FRYL: variants seen among roughly 807,000 people sequenced by gnomAD.
The protein encoded by FRYL is protein furry homolog-like.
Under a neutral mutation model 351.2 loss-of-function variants are expected in FRYL, and 150 were observed. The ratio of observed to expected loss-of-function variants is 0.43; its 90% CI spans 0.37 to 0.49. The LOEUF (loss-of-function observed/expected upper bound fraction) is 0.49. Among genes scored for constraint, FRYL ranks in the 20% least tolerant of loss-of-function variants. The pLI, the probability that FRYL is intolerant of heterozygous loss-of-function variation, is 0.00. For synonymous variants in FRYL, 1,153 were observed against 1,257.1 expected (o/e 0.92, Z 1.75); for missense variants, 3,036 against 3,619.3 (o/e 0.84, Z 4.13).
chr4:48,662,664 G>A (rs1294111676), intron 3 of FRYL, among the ~76,000 whole-genome samples: 1 of 150,762 alleles, frequency 6.6e-6, no homozygotes, highest in Non-Finnish European at 1.5e-5. Flanking sequence ...AGTGGCGCGT[G>A]CATGTAATCC....
chr4:48,536,367 T>A (rs1392797445), intron 47 of FRYL, among the ~76,000 whole-genome samples: 1 of 152,144 alleles, frequency 6.6e-6, no homozygotes, highest in Admixed American at 6.6e-5. Flanking sequence ...GTCCAGAATC[T>A]CCAATGGATG....
intron 2 of FRYL, among the ~76,000 whole-genome samples, chr4:48,704,662 A>G (rs1767117416): frequency 6.6e-6 from 1 of 152,062 alleles, no homozygotes; most frequent in South Asian, 2.1e-4. Flanking sequence ...AAAATACAAA[A>G]AACAGGCTGG....
intron 1 of FRYL, among the ~76,000 whole-genome samples, chr4:48,749,038 G>A (rs1772974291): frequency 1.3e-5 from 2 of 152,260 alleles, no homozygotes; most frequent in African/African-American, 4.8e-5. Context: ...ACAGCAAGGC[G>A]ATAAGCAACA....
chr4:48,510,058 C>G lies in FRYL; in HGVS notation c.8394+1G>C. 6.2e-7 allele frequency: 1 copy of G among 1,605,666 alleles called. No individual in the cohort carries two copies. The highest frequency in any genetic ancestry group is 8.5e-7 in the Non-Finnish European group (1 of 1,172,460). Reference sequence around the variant, plus strand: ...TTCGCACATGGTAAAAAGAGACTGACCTGCTCAGCGGCTTCTCTTTTCACA... The same window carrying G: ...TTCGCACATGGTAAAAAGAGACTGAGCTGCTCAGCGGCTTCTCTTTTCACA... On this transcript the variant is annotated splice_donor_variant, in intron 59 of 63. Coordinates refer to ENST00000358350, the MANE Select transcript of FRYL (RefSeq NM_015030.2). LOFTEE classifies it high-confidence loss of function.
At chr4:48,558,679 C>T (rs527388750) in intron 33 of FRYL, among the ~76,000 whole-genome samples, 2 of 152,268 alleles carry the variant, frequency 1.3e-5, no homozygotes, top group South Asian at 4.1e-4. Context: ...CCATTAGGAA[C>T]CTCACAAATT....
At chr4:48,711,128 C>T (rs137999934) in intron 1 of FRYL, among the ~76,000 whole-genome samples, 11 of 152,196 alleles carry the variant, frequency 7.2e-5, no homozygotes, top group South Asian at 2.1e-4. Context: ...CAGCTCCCAG[C>T]GGGAGCGACA....
intron 49 of FRYL, among the ~76,000 whole-genome samples, chr4:48,531,971 G>A (rs1727758573): frequency 6.6e-6 from 1 of 151,542 alleles, no homozygotes; most frequent in Admixed American, 6.6e-5. Flanking sequence ...TTTTCTGCTT[G>A]TCTTAGTTTT....
At chr4:48,642,030 G>A (rs1237144993) in intron 3 of FRYL, among the ~76,000 whole-genome samples, 2 of 151,924 alleles carry the variant, frequency 1.3e-5, no homozygotes, top group African/African-American at 4.8e-5. Flanking sequence ...ATTCTCTTGG[G>A]TTCATTTACT....
rs1490528994 is a variant in FRYL, at chr4:48,531,195, C to G, written c.6864G>C (p.Leu2288Phe). 1 of 1,610,828 alleles carries G rather than the reference C, an allele frequency of 6.2e-7. No homozygotes were observed. Among genetic ancestry groups the G allele is most frequent in the Non-Finnish European group, 8.5e-7 (1 of 1,177,146 alleles). Residue 2288 changes from leucine to phenylalanine, a missense_variant, in exon 50 of 64, where the codon TTG becomes TTC. Leu to Phe is a conservative substitution (Grantham distance 22). Around this residue, in one of 7 missense-constraint regions of FRYL, gnomAD observed 1,987 missense variants for 2,311.7 expected, o/e 0.86. Coordinates refer to ENST00000358350, the MANE Select transcript of FRYL (RefSeq NM_015030.2). ...TKIFNNVSKE[L>F]PGKTLDFHFD... Reference sequence around the variant, plus strand: ...AATGAAAATCTAAGGTCTTCCCAGGCAACTCCTTAGAAACATTATTAAAAA... The same window carrying G: ...AATGAAAATCTAAGGTCTTCCCAGGGAACTCCTTAGAAACATTATTAAAAA...
chr4:48,503,374 C>A (rs1367865086), intron 60 of FRYL, among the ~76,000 whole-genome samples: 1 of 152,144 alleles, frequency 6.6e-6, no homozygotes, highest in African/African-American at 2.4e-5. Context: ...CTAATTAGGT[C>A]CTACTTTGCC....
chr4:48,776,871 AGCCATGAAAACTT>A (rs1490940304), intron 1 of FRYL, among the ~76,000 whole-genome samples: 1 of 152,244 alleles, frequency 6.6e-6, no homozygotes, highest in Non-Finnish European at 1.5e-5. Flanking sequence ...AATCTGCTAA[AGCCATGAAAACTT>A]GTCCACTTCA....
intron 25 of FRYL, 57 bp from the exon 26 acceptor site, chr4:48,573,300 G>T (rs1738781160): frequency 8.8e-7 from 1 of 1,130,922 alleles, no homozygotes; most frequent in South Asian, 1.3e-5. Flanking sequence ...ATCTGACACA[G>T]GTAAATATGT....
chr4:48,547,756 G>A lies in FRYL; in HGVS notation c.4902C>T (p.Cys1634=), dbSNP rs758067095. The change falls in exon 41 of 64, where the codon TGC becomes TGT. Residue 1634 remains cysteine, a synonymous_variant. Transcript: ENST00000358350. ...LHAIFIGFDH[C]HPEVYEHCKR... ...TACAATGTTCATACACCTCAGGGTGGCAGTGGTCAAACCCTAAAAAGGATA... is the reference window on the plus strand; with the variant it reads ...TACAATGTTCATACACCTCAGGGTGACAGTGGTCAAACCCTAAAAAGGATA... 2.0e-6 allele frequency: 3 copies of A among 1,512,090 alleles called. No homozygotes were observed. In the Admixed American group the frequency reaches 5.4e-5, roughly 27 times the overall value. The allele number at this position is 1,512,090 out of a possible 1,614,324, so 93.7% of individuals were successfully genotyped here.
chr4:48,717,837 G>C (rs930897278), intron 1 of FRYL, among the ~76,000 whole-genome samples: 2 of 151,466 alleles, frequency 1.3e-5, no homozygotes, highest in African/African-American at 2.4e-5. Flanking sequence ...TATCACGCAT[G>C]GCCTTAAGTT....
At chr4:48,542,444 T>A (rs1190515058) in intron 44 of FRYL, among the ~76,000 whole-genome samples, 2 of 152,248 alleles carry the variant, frequency 1.3e-5, no homozygotes, top group Non-Finnish European at 2.9e-5. Flanking sequence ...TGAGACGTAG[T>A]CTTGCTCTAT....
chr4:48,739,441 G>T (rs1771807761), intron 1 of FRYL, among the ~76,000 whole-genome samples: 1 of 150,110 alleles, frequency 6.7e-6, no homozygotes, highest in Non-Finnish European at 1.5e-5. Flanking sequence ...TTTGAAAATG[G>T]AGCAAAGGCA....
chr4:48,508,338 T>G (rs941119786), intron 59 of FRYL, among the ~76,000 whole-genome samples: 1 of 152,202 alleles, frequency 6.6e-6, no homozygotes, highest in African/African-American at 2.4e-5. Flanking sequence ...CTATAGACCA[T>G]TTTGGGGGAA....
At position 48,531,217 on chromosome 4, in the gene FRYL, A is replaced by G. The variant is rs1372166809; in HGVS notation, c.6842T>C (p.Phe2281Ser). The G allele has an allele frequency of 6.2e-7, 1 of 1,612,610 alleles. No homozygotes were observed. The highest frequency in any genetic ancestry group is 8.5e-7 in the Non-Finnish European group (1 of 1,178,702). Reference sequence around the variant, plus strand: ...AGGCAACTCCTTAGAAACATTATTAAAAATTTTAGTGAAGGATATTTCAGG... The same window carrying G: ...AGGCAACTCCTTAGAAACATTATTAGAAATTTTAGTGAAGGATATTTCAGG... ...GSPEISFTKI[F>S]NNVSKELPGK... Residue 2281 changes from phenylalanine (F) to serine (S), a missense_variant, in exon 50 of 64, where the codon TTT becomes TCT. Phe to Ser is a radical substitution (Grantham distance 155). This residue lies in a region of FRYL where 1,987 missense variants were observed against 2,311.7 expected (regional missense o/e 0.86). Transcript: ENST00000358350.
intron 4 of FRYL, among the ~76,000 whole-genome samples, chr4:48,627,545 C>T (rs12508327): frequency 0.026 from 3,981 of 152,012 alleles, 65 homozygotes; most frequent in Admixed American, 0.046. Flanking sequence ...TTTCCTGAAG[C>T]GGAAAATGGG....
Sources: allele counts gnomAD v4.1 joint callset (sites outside exome capture counted in the v4.1 genomes callset), GRCh38; gene constraint gnomAD v4.1.1; regional missense constraint gnomAD v4.1.1; transcripts MANE v1.5; gene names NCBI Gene and HGNC (gene_info 2026-07-23, HGNC 2026-07-21).